Variants in MYO16 observed in about 807,000 individuals in gnomAD.
MYO16 encodes myosin XVI.
A neutral mutation model predicts 205.3 loss-of-function variants in MYO16; 94 were observed. That is an observed-to-expected ratio of 0.46 (90% CI 0.39 to 0.54). The LOEUF is 0.54. Ranked by LOEUF, MYO16 falls within the 20% of genes least tolerant of loss-of-function variation. MYO16 has a pLI of 0.00. For missense variants in MYO16, 2,315 were observed against 2,387.5 expected (o/e 0.97, Z 0.63); for synonymous variants, 988 against 954.0 (o/e 1.04, Z -0.66).
At chr13:108,530,359 A>G in the MYO16 span, among the ~76,000 whole-genome samples, 1 of 152,232 alleles carries the variant, frequency 6.6e-6, no homozygotes, top group Non-Finnish European at 1.5e-5. Context: ...AGCTGCAAAG[A>G]AGAATGGGAT....
chr13:108,804,658 G>A (rs12583740), intron 6 of MYO16, among the ~76,000 whole-genome samples: 10,639 of 152,220 alleles, frequency 0.07, 499 homozygotes, highest in East Asian at 0.23. Context: ...TCCTGCTATT[G>A]TATTATGATA....
chr13:108,518,153 G>A, the MYO16 span, among the ~76,000 whole-genome samples: 5 of 152,196 alleles, frequency 3.3e-5, no homozygotes, highest in African/African-American at 1.2e-4. Flanking sequence ...GTTTATCCTG[G>A]GAAGGTTTAC....
the MYO16 span, among the ~76,000 whole-genome samples, chr13:108,528,426 A>G: frequency 6.6e-6 from 1 of 152,162 alleles, no homozygotes; most frequent in Non-Finnish European, 1.5e-5. Context: ...GTGAGGAGAC[A>G]TGGAGCTATC....
the MYO16 span, among the ~76,000 whole-genome samples, chr13:108,574,091 C>T: frequency 6.6e-6 from 1 of 152,092 alleles, no homozygotes; most frequent in African/African-American, 2.4e-5. Context: ...GGGTTCAAGC[C>T]ATCCTCCTGC....
chr13:109,193,825 G>A lies in MYO16; in HGVS notation c.5416-12784G>A, dbSNP rs568144572. On this transcript the variant is annotated intron_variant, in intron 34 of 34. Coordinates refer to ENST00000457511, the MANE Select transcript of MYO16 (RefSeq NM_001198950.3). Reference sequence around the variant, plus strand: ...AAGCCAACTGTCAAATCCTATACCCGTATCTCACAGAGCTTTTCTCTCTCT... The same window carrying A: ...AAGCCAACTGTCAAATCCTATACCCATATCTCACAGAGCTTTTCTCTCTCT... Among the ~76,000 whole-genome samples, 21 of 152,104 alleles carry A rather than the reference G, an allele frequency of 1.4e-4. 1 individual carries two copies. Among genetic ancestry groups the A allele is most frequent in the African/African-American group, 1.4e-4 (6 of 41,500 alleles).
chr13:108,712,773 G>T, intron 3 of MYO16, 42 bp downstream of exon 3: 1 of 1,515,510 alleles, frequency 6.6e-7, no homozygotes, highest in Non-Finnish European at 9.0e-7. Context: ...GGGGACACCC[G>T]GGGGAGAGTA....
At chr13:108,627,258 AG>A (rs1879778815), upstream of MYO16, among the ~76,000 whole-genome samples, 1 of 152,140 alleles carries the variant, frequency 6.6e-6, no homozygotes, top group Non-Finnish European at 1.5e-5. Context: ...GTGGTTTCAA[AG>A]ACAAAAAGAT....
intron 31 of MYO16, among the ~76,000 whole-genome samples, chr13:109,131,031 G>A (rs376228728): frequency 1.3e-5 from 2 of 152,066 alleles, no homozygotes; most frequent in African/African-American, 4.8e-5. Context: ...TGAATTTTTT[G>A]CATCTAGTAA....
chr13:108,497,403 C>G, the MYO16 span, among the ~76,000 whole-genome samples: 1 of 152,186 alleles, frequency 6.6e-6, no homozygotes, highest in Non-Finnish European at 1.5e-5. Context: ...TTACTTAACA[C>G]TATGACATGT....
chr13:108,868,328 G>T (rs559689228), intron 12 of MYO16, among the ~76,000 whole-genome samples: 2 of 152,126 alleles, frequency 1.3e-5, no homozygotes, highest in South Asian at 2.1e-4. Flanking sequence ...ATTCTACTGG[G>T]TATATATAGT....
chr13:109,039,174 T>C (rs1325507076), intron 23 of MYO16, among the ~76,000 whole-genome samples: 1 of 152,182 alleles, frequency 6.6e-6, no homozygotes, highest in African/African-American at 2.4e-5. Flanking sequence ...ACATCTACTC[T>C]GACAAGGCAG....
intron 27 of MYO16, among the ~76,000 whole-genome samples, chr13:109,080,966 A>T (rs113515448): frequency 6.6e-6 from 1 of 152,314 alleles, no homozygotes; most frequent in African/African-American, 2.4e-5. Flanking sequence ...CAGAGAAATT[A>T]TACATAATAT....
At chr13:108,597,608 A>G (rs1214549599) in intron 1 of MYO16, among the ~76,000 whole-genome samples, 2 of 152,176 alleles carry the variant, frequency 1.3e-5, no homozygotes, top group African/African-American at 4.8e-5. Flanking sequence ...TCAACTATAG[A>G]CAGTATTTCT....
At chr13:108,501,980 G>A in the MYO16 span, among the ~76,000 whole-genome samples, 25 of 152,266 alleles carry the variant, frequency 1.6e-4, no homozygotes, top group African/African-American at 5.3e-4. Flanking sequence ...TTGGGAGGCC[G>A]AGGCGGGCGG....
intron 2 of MYO16, among the ~76,000 whole-genome samples, chr13:108,683,445 C>CT (rs146022892): frequency 6.6e-6 from 1 of 152,236 alleles, no homozygotes; most frequent in East Asian, 1.9e-4. Flanking sequence ...GAAAAATACC[C>CT]AAACCTTATA....
At chr13:108,745,217 T>C (rs928791165) in intron 4 of MYO16, among the ~76,000 whole-genome samples, 1 of 152,156 alleles carries the variant, frequency 6.6e-6, no homozygotes, top group African/African-American at 2.4e-5. Context: ...ACAGGAGCCC[T>C]ATACTGGTAG....
At chr13:108,929,079 G>C (rs1882137893) in intron 16 of MYO16, among the ~76,000 whole-genome samples, 1 of 152,146 alleles carries the variant, frequency 6.6e-6, no homozygotes, top group African/African-American at 2.4e-5. Context: ...AAATAAAAAT[G>C]CTTTGTGCAG....
At chr13:109,083,974 A>T (rs950784197) in intron 27 of MYO16, among the ~76,000 whole-genome samples, 1 of 152,222 alleles carries the variant, frequency 6.6e-6, no homozygotes, top group African/African-American at 2.4e-5. Context: ...ATAATGCATT[A>T]TGTATAAAGA....
At chr13:108,531,641 G>A in the MYO16 span, among the ~76,000 whole-genome samples, 6 of 146,408 alleles carry the variant, frequency 4.1e-5, no homozygotes, top group Admixed American at 3.4e-4. Context: ...TTTTTTTTGA[G>A]AAAACTATGA....
Sources: allele counts gnomAD v4.1 joint callset (sites outside exome capture counted in the v4.1 genomes callset), GRCh38; gene constraint gnomAD v4.1.1; transcripts MANE v1.5; gene names NCBI Gene and HGNC (gene_info 2026-07-23, HGNC 2026-07-21).